SNX30: variants seen among roughly 807,000 people sequenced by gnomAD.
SNX30 encodes the protein sorting nexin family member 30.
SNX30 carries 24 observed loss-of-function variants against 46.4 expected under a neutral mutation model. The ratio of observed to expected loss-of-function variants is 0.52; its 90% CI spans 0.37 to 0.73. The LOEUF (loss-of-function observed/expected upper bound fraction) is 0.73. SNX30 is among the 30% of genes least tolerant of loss of function. The pLI is 0.00. For synonymous variants in SNX30, 189 were observed against 211.5 expected (o/e 0.89, Z 0.92); for missense variants, 533 against 555.7 (o/e 0.96, Z 0.41).
chr9:112,775,159 T>C (rs1053218990), intron 1 of SNX30, among the ~76,000 whole-genome samples: 2 of 147,080 alleles, frequency 1.4e-5, no homozygotes, highest in Non-Finnish European at 3.0e-5. Flanking sequence ...TCTTTCTTTT[T>C]TTTTTTTTTT....
chr9:112,878,912 C>T (rs1489999454), downstream of SNX30: 2 of 152,216 alleles, frequency 1.3e-5, no homozygotes, highest in Non-Finnish European at 2.9e-5. Flanking sequence ...GAACGATTCA[C>T]ACACTCATAC....
chr9:112,810,493 GAC>G, intron 2 of SNX30, among the ~76,000 whole-genome samples: 1 of 152,328 alleles, frequency 6.6e-6, no homozygotes, highest in East Asian at 1.9e-4. Context: ...AGGAAGTAAA[GAC>G]ATGAATGGAT....
chr9:112,861,482 A>G (rs1218881915), intron 7 of SNX30, among the ~76,000 whole-genome samples: 2 of 152,184 alleles, frequency 1.3e-5, no homozygotes, highest in East Asian at 3.9e-4. Flanking sequence ...CACACCTGGT[A>G]AGTGGCAGGT....
rs765747920 is a variant in SNX30 at position 112,821,327 on chromosome 9, A to G, written c.459+3512A>G. Reference sequence around the variant, plus strand: ...GCATATCTTCCTTGGAGAAATATCAATTAAGATCCATTGCCCATTTAAAAA... The same window carrying G: ...GCATATCTTCCTTGGAGAAATATCAGTTAAGATCCATTGCCCATTTAAAAA... On this transcript the variant is annotated intron_variant, in intron 3 of 8. Transcript: ENST00000374232. Among the ~76,000 whole-genome samples the G allele has an allele frequency of 5.9e-5, 9 of 152,296 alleles. No individual in the cohort carries two copies. The East Asian group carries it at 9.6e-4, about 16-fold the overall frequency.
intron 3 of SNX30, among the ~76,000 whole-genome samples, chr9:112,824,873 C>T (rs1324143337): frequency 6.6e-6 from 1 of 152,176 alleles, no homozygotes; most frequent in Non-Finnish European, 1.5e-5. Context: ...ACTTTTAGTA[C>T]ATTCACGGTG....
At chr9:112,857,524 C>T (rs1841154051) in intron 7 of SNX30, among the ~76,000 whole-genome samples, 2 of 152,192 alleles carry the variant, frequency 1.3e-5, no homozygotes, top group African/African-American at 2.4e-5. Flanking sequence ...CACTCAGCAG[C>T]GTGTGGCTGT....
At chr9:112,845,485 G>C (rs1840926767) in intron 6 of SNX30, among the ~76,000 whole-genome samples, 1 of 152,126 alleles carries the variant, frequency 6.6e-6, no homozygotes, top group Non-Finnish European at 1.5e-5. Flanking sequence ...GCTCACACAG[G>C]GGCCACTTCC....
At chr9:112,760,432 C>T (rs541828572) in intron 1 of SNX30, among the ~76,000 whole-genome samples, 1 of 152,182 alleles carries the variant, frequency 6.6e-6, no homozygotes, top group African/African-American at 2.4e-5. Flanking sequence ...AATAGCATCC[C>T]TGGTGGATGT....
At chr9:112,848,425 C>T (rs907631754) in intron 6 of SNX30, among the ~76,000 whole-genome samples, 2 of 152,114 alleles carry the variant, frequency 1.3e-5, no homozygotes, top group Non-Finnish European at 2.9e-5. Flanking sequence ...ATTCAGAACA[C>T]GTTGCCCAAC....
At chr9:112,814,323 C>T (rs777481044) in intron 2 of SNX30, among the ~76,000 whole-genome samples, 7 of 152,290 alleles carry the variant, frequency 4.6e-5, no homozygotes, top group African/African-American at 1.4e-4. Context: ...TAGCTGTAAC[C>T]TCTGCCTCCC....
intron 7 of SNX30, among the ~76,000 whole-genome samples, chr9:112,857,795 A>T (rs7043960): frequency 0.79 from 117,452 of 149,278 alleles, 46,328 homozygotes; most frequent in East Asian, 0.87. Context: ...CATCCATCCA[A>T]CCATCCATCC....
chr9:112,859,942 A>G (rs1841201512), intron 7 of SNX30, among the ~76,000 whole-genome samples: 1 of 150,274 alleles, frequency 6.7e-6, no homozygotes, highest in Non-Finnish European at 1.5e-5. Flanking sequence ...TTGACTGTTT[A>G]TCTTCTTTAT....
At chr9:112,797,204 A>T (rs1250763364) in intron 1 of SNX30, among the ~76,000 whole-genome samples, 1 of 152,210 alleles carries the variant, frequency 6.6e-6, no homozygotes, top group East Asian at 1.9e-4. Flanking sequence ...TACTGTAGGG[A>T]CATAATTTAT....
At chr9:112,792,587 G>A (rs1011406358) in intron 1 of SNX30, among the ~76,000 whole-genome samples, 3 of 152,032 alleles carry the variant, frequency 2.0e-5, no homozygotes, top group Non-Finnish European at 4.4e-5. Context: ...ACCACGCCTG[G>A]CTAACTTTTT....
At chr9:112,795,785 ACACACACACACG>A (rs1564272323) in intron 1 of SNX30, among the ~76,000 whole-genome samples, 1 of 151,898 alleles carries the variant, frequency 6.6e-6, no homozygotes, top group African/African-American at 2.4e-5. Flanking sequence ...ACACACACAC[ACACACACACACG>A]CACACATGAT....
At chr9:112,880,281 A>C (rs1841560721) in exon 5 of SNX30, 2 of 138,474 alleles carry the variant, frequency 1.4e-5, no homozygotes, top group African/African-American at 5.3e-5. Flanking sequence ...CAGTGAGCCA[A>C]GATTGCGCCA....
chr9:112,844,761 G>C (rs1360905395), intron 6 of SNX30, among the ~76,000 whole-genome samples: 1 of 152,248 alleles, frequency 6.6e-6, no homozygotes, highest in Non-Finnish European at 1.5e-5. Context: ...CTTCCAGTTG[G>C]AGATAACTTC....
At chr9:112,785,606 A>G (rs1839912693) in intron 1 of SNX30, among the ~76,000 whole-genome samples, 1 of 150,696 alleles carries the variant, frequency 6.6e-6, no homozygotes, top group Admixed American at 6.6e-5. Context: ...CTGGTCTCAA[A>G]CTCCTGGCCT....
intron 3 of SNX30, among the ~76,000 whole-genome samples, chr9:112,822,471 C>T (rs943059689): frequency 5.9e-5 from 9 of 151,692 alleles, no homozygotes; most frequent in Non-Finnish European, 1.5e-5. Flanking sequence ...GATACCATCA[C>T]CACAATCAAG....
Sources: gnomAD v4.1 joint callset for allele counts (sites outside exome capture counted in the v4.1 genomes callset) on GRCh38, gnomAD v4.1.1 for gene constraint, MANE v1.5 for transcripts, NCBI Gene and HGNC (gene_info 2026-07-23, HGNC 2026-07-21) for gene names.